WDFY4: variants seen among roughly 807,000 people sequenced by gnomAD.
WDFY4 encodes WDFY family member 4.
In WDFY4, 169 loss-of-function variants were observed where a neutral mutation model predicts 351.9. The ratio of observed to expected loss-of-function variants is 0.48; its 90% confidence interval spans 0.42 to 0.55. The LOEUF (loss-of-function observed/expected upper bound fraction) is 0.55. WDFY4 is among the 20% of genes least tolerant of loss of function. WDFY4 has a pLI of 0.00. For synonymous variants in WDFY4, 1,622 were observed against 1,574.6 expected (o/e 1.03, Z -0.71); for missense variants, 3,803 against 3,935.6 (o/e 0.97, Z 0.90).
At chr10:48,928,574 G>A (rs1031219024) in intron 47 of WDFY4, among the ~76,000 whole-genome samples, 2 of 152,122 alleles carry the variant, frequency 1.3e-5, no homozygotes, top group African/African-American at 4.8e-5. Flanking sequence ...AATTTATCCT[G>A]GGGGCCAAGA....
intron 13 of WDFY4, among the ~76,000 whole-genome samples, chr10:48,766,713 G>T (rs1227468200): frequency 6.6e-6 from 1 of 152,252 alleles, no homozygotes; most frequent in African/African-American, 2.4e-5. Context: ...AAGTCAGATG[G>T]ATTCAGCCCT....
intron 4 of WDFY4, among the ~76,000 whole-genome samples, chr10:48,722,477 C>A (rs746904781): frequency 1.3e-5 from 2 of 152,168 alleles, no homozygotes; most frequent in Non-Finnish European, 2.9e-5. Context: ...GCACTGTAAA[C>A]CTTTCTGGCC....
chr10:48,789,521 T>C (rs1475945481), intron 21 of WDFY4, among the ~76,000 whole-genome samples: 1 of 152,188 alleles, frequency 6.6e-6, no homozygotes, highest in South Asian at 2.1e-4. Flanking sequence ...ACAACCCTAG[T>C]CTGAGAAGGT....
chr10:48,933,419 A>G (rs987794787), intron 47 of WDFY4, among the ~76,000 whole-genome samples: 14 of 152,224 alleles, frequency 9.2e-5, no homozygotes, highest in Non-Finnish European at 1.0e-4. Context: ...CTTAGCTGCC[A>G]TCTGGCTTTT....
chr10:48,956,238 C>T (rs563666067), intron 51 of WDFY4, among the ~76,000 whole-genome samples: 4 of 152,362 alleles, frequency 2.6e-5, no homozygotes, highest in East Asian at 1.9e-4. Flanking sequence ...AGGCCTGGGG[C>T]TGTACCAGGC....
In WDFY4 at chr10:48,733,623, C is replaced by G. The variant is rs956942270; in HGVS notation, c.1583-308C>G. Among the ~76,000 whole-genome samples the G allele has an allele frequency of 3.9e-5, 6 of 152,328 alleles. No homozygotes were observed. In the South Asian group the frequency reaches 1.2e-3, roughly 32 times the overall value. ...CAGCCCCATCAGCATTGCTTGGGAA[C>G]TTCTCAGAAATGCAAATTATAGAAC... is the stretch of plus-strand genomic sequence containing the variant. On this transcript the variant is annotated intron_variant, in intron 9 of 61. Coordinates refer to ENST00000325239, the MANE Select transcript of WDFY4 (RefSeq NM_001394531.1).
chr10:48,778,509 G>T (rs2066111017), intron 17 of WDFY4, 102 bp from the exon 18 acceptor site: 3 of 1,167,328 alleles, frequency 2.6e-6, no homozygotes, highest in Non-Finnish European at 3.6e-6. Flanking sequence ...AAGACACCCA[G>T]TAGGTGCTGC....
At chr10:48,805,463 G>C (rs2067222572) in intron 26 of WDFY4, 42 bp downstream of exon 26, 1 of 1,537,050 alleles carries the variant, frequency 6.5e-7, no homozygotes, top group Non-Finnish European at 8.7e-7. Flanking sequence ...AGGGCCCCAG[G>C]GCTGTTTAAA....
rs761374533 is a variant in WDFY4 at position 48,970,309 on chromosome 10, G to A, written c.8928+20G>A. 7 of 1,547,694 alleles carry A rather than the reference G, an allele frequency of 4.5e-6. No homozygotes were observed. Among genetic ancestry groups the A allele is most frequent in the Non-Finnish European group, 5.2e-6 (6 of 1,146,872 alleles). Reference sequence around the variant, plus strand: ...CGGCAGGTATGGTCCAGCTCGTGCAGGTGCGGTCCTCAGGTGGGGACAGTA... The same window carrying A: ...CGGCAGGTATGGTCCAGCTCGTGCAAGTGCGGTCCTCAGGTGGGGACAGTA... On this transcript the variant is annotated intron_variant, in intron 57 of 61. Transcript: ENST00000325239.
intron 43 of WDFY4, among the ~76,000 whole-genome samples, chr10:48,879,955 A>G (rs1176670722): frequency 1.3e-5 from 2 of 152,174 alleles, no homozygotes; most frequent in African/African-American, 2.4e-5. Flanking sequence ...TAACTCACAC[A>G]TAATCCAGGG....
chr10:48,931,309 G>A (rs916907439), intron 47 of WDFY4, among the ~76,000 whole-genome samples: 9 of 152,188 alleles, frequency 5.9e-5, no homozygotes, highest in Non-Finnish European at 1.0e-4. Context: ...TGCTGTCCTA[G>A]GTCATCTGTG....
At chr10:48,830,131 GA>G (rs759945605) in intron 37 of WDFY4, among the ~76,000 whole-genome samples, 11 of 152,174 alleles carry the variant, frequency 7.2e-5, no homozygotes, top group Non-Finnish European at 1.2e-4. Context: ...GGGCACAGCA[GA>G]CACAGTTGGT....
At position 48,731,112 on chromosome 10, in the gene WDFY4, G is replaced by A. The variant is rs992368189; in HGVS notation, c.1132G>A (p.Val378Met). ...ATCATTCTTGTTTTCCTCCTCAGGG[G>A]TGACTGTTAAGAATCTTCAGGCCTT... ...GFKFHHEASG[V>M]TVKNLQAFQV... Residue 378 changes from valine (V) to methionine (M), a missense_variant and splice_region_variant, in exon 9 of 62, where the codon GTG (valine) becomes ATG (methionine). By Grantham distance (21) the Val-to-Met change is conservative. This residue lies in a region of WDFY4 where 488 missense variants were observed against 456.8 expected (regional missense o/e 1.07). Coordinates refer to ENST00000325239, the MANE Select transcript of WDFY4 (RefSeq NM_001394531.1). 5 of 1,537,698 alleles carry A rather than the reference G, an allele frequency of 3.3e-6. No homozygotes were observed. The highest frequency in any genetic ancestry group is 2.8e-5 in the African/African-American group (2 of 72,712).
At chr10:48,828,288 G>A (rs1345078953) in intron 36 of WDFY4, among the ~76,000 whole-genome samples, 1 of 152,188 alleles carries the variant, frequency 6.6e-6, no homozygotes, top group African/African-American at 2.4e-5. Context: ...TGCTAGGCTT[G>A]TGTCCAAAAA....
intron 47 of WDFY4, 114 bp downstream of exon 47, chr10:48,901,977 C>T: frequency 1.1e-6 from 1 of 911,794 alleles, no homozygotes; most frequent in Non-Finnish European, 1.7e-6. Context: ...AACAGTTTCC[C>T]TCATTTTTCT....
intron 47 of WDFY4, among the ~76,000 whole-genome samples, chr10:48,931,867 G>T (rs1480395952): frequency 1.3e-5 from 2 of 152,166 alleles, no homozygotes; most frequent in Non-Finnish European, 2.9e-5. Context: ...CATAACTATT[G>T]CCAGGAGAAT....
At chr10:48,693,910 C>T (rs772078646) in intron 1 of WDFY4, among the ~76,000 whole-genome samples, 9 of 152,210 alleles carry the variant, frequency 5.9e-5, no homozygotes, top group Non-Finnish European at 1.3e-4. Context: ...GTCACTCTAT[C>T]TGTGACGTAG....
At chr10:48,960,823 AG>A (rs1289901531) in intron 53 of WDFY4, among the ~76,000 whole-genome samples, 3 of 152,256 alleles carry the variant, frequency 2.0e-5, no homozygotes, top group Non-Finnish European at 2.9e-5. Context: ...GCCATAACTC[AG>A]GGCTACATAT....
intron 15 of WDFY4, 92 bp downstream of exon 15, chr10:48,775,898 C>A (rs763718201): frequency 8.3e-6 from 10 of 1,209,612 alleles, no homozygotes; most frequent in Non-Finnish European, 1.2e-5. Context: ...GGTGGGAAAG[C>A]AAACAGGTTT....
Sources: allele counts gnomAD v4.1 joint callset (sites outside exome capture counted in the v4.1 genomes callset), GRCh38; gene constraint gnomAD v4.1.1; regional missense constraint gnomAD v4.1.1; transcripts MANE v1.5; gene names NCBI Gene and HGNC (gene_info 2026-07-23, HGNC 2026-07-21).